EFCAB11: variants seen among roughly 807,000 people sequenced by gnomAD.
EFCAB11 encodes EF-hand calcium binding domain 11, also known as EF-hand calcium-binding domain-containing protein 11.
A neutral mutation model predicts 23.0 loss-of-function variants in EFCAB11; 14 were observed. The ratio of observed to expected loss-of-function variants is 0.61; its 90% CI spans 0.40 to 0.95. The LOEUF (loss-of-function observed/expected upper bound fraction) is 0.95, where lower values mean the gene tolerates loss of function less well. Among genes scored for constraint, EFCAB11 ranks in the 40% least tolerant of loss-of-function variants. The pLI, the probability that EFCAB11 is intolerant of heterozygous loss-of-function variation, is 0.00. For missense variants in EFCAB11, 198 were observed against 195.8 expected (o/e 1.01, Z -0.07); for synonymous variants, 65 against 66.6 (o/e 0.98, Z 0.11).
At chr14:89,819,975 GACTCAGTAA>G in intron 5 of EFCAB11, among the ~76,000 whole-genome samples, 1 of 152,208 alleles carries the variant, frequency 6.6e-6, no homozygotes, top group East Asian at 1.9e-4. Flanking sequence ...ATAGGAATAT[GACTCAGTAA>G]ACTATGGCTC....
At chr14:89,934,248 G>T (rs888117290) in intron 3 of EFCAB11, among the ~76,000 whole-genome samples, 1 of 152,234 alleles carries the variant, frequency 6.6e-6, no homozygotes, top group Non-Finnish European at 1.5e-5. Context: ...AGAGAGACCA[G>T]TTAGGAGCCT....
intron 5 of EFCAB11, among the ~76,000 whole-genome samples, chr14:89,843,748 T>G (rs1400764225): frequency 6.6e-6 from 1 of 152,244 alleles, no homozygotes; most frequent in Non-Finnish European, 1.5e-5. Flanking sequence ...CATCTTACAC[T>G]GGTCATCAAA....
At position 89,953,978 on chromosome 14, in the gene EFCAB11, A is replaced by G; in HGVS notation, c.99T>C (p.Asp33=). ...CCTCTCTGCTGAGATATCCTTTGTG[A>G]TCTTCATCACATGCTTTAAATACCT... ...WVEVFKACDE[D]HKGYLSREDF... Residue 33 remains aspartate (D), a synonymous_variant, in exon 2 of 6, where the codon GAT becomes GAC. Transcript: ENST00000316738. The G allele has an allele frequency of 6.2e-7, 1 of 1,613,568 alleles. No homozygotes were observed. The highest frequency in any genetic ancestry group is 8.5e-7 in the Non-Finnish European group (1 of 1,179,936).
At chr14:89,836,587 G>T (rs1336278095) in intron 5 of EFCAB11, 1 of 456,588 alleles carries the variant, frequency 2.2e-6, no homozygotes, top group Non-Finnish European at 4.4e-6. Flanking sequence ...TGCCATAGAT[G>T]TTCCACATGA....
chr14:89,802,619 C>T (rs1885824477), intron 5 of EFCAB11, among the ~76,000 whole-genome samples: 1 of 152,148 alleles, frequency 6.6e-6, no homozygotes, highest in African/African-American at 2.4e-5. Context: ...TCTCAAACTC[C>T]TCACCTCAAA....
At chr14:89,817,632 A>G (rs964950771) in intron 5 of EFCAB11, among the ~76,000 whole-genome samples, 12 of 152,212 alleles carry the variant, frequency 7.9e-5, no homozygotes, top group Non-Finnish European at 7.3e-5. Flanking sequence ...GACGAAAATA[A>G]TAATATATTT....
intron 5 of EFCAB11, among the ~76,000 whole-genome samples, chr14:89,836,019 A>C (rs1267575422): frequency 6.6e-6 from 1 of 152,194 alleles, no homozygotes; most frequent in Non-Finnish European, 1.5e-5. Context: ...AGATTTTGCT[A>C]GGCAGGAGTG....
chr14:89,931,464 C>A (rs1308799977), intron 5 of EFCAB11, 77 bp downstream of exon 5: 7 of 1,294,716 alleles, frequency 5.4e-6, no homozygotes, highest in African/African-American at 1.5e-5. Context: ...TAAATAAGTT[C>A]TTTCCATAAA....
intron 5 of EFCAB11, among the ~76,000 whole-genome samples, chr14:89,917,621 G>A (rs1382254103): frequency 2.0e-5 from 3 of 152,030 alleles, no homozygotes; most frequent in African/African-American, 7.3e-5. Context: ...ACTAGGCAGT[G>A]GCATTTCTAA....
At chr14:89,849,987 C>T (rs969133986) in intron 5 of EFCAB11, among the ~76,000 whole-genome samples, 13 of 152,102 alleles carry the variant, frequency 8.5e-5, no homozygotes, top group African/African-American at 2.9e-4. Context: ...GGAAAGCAAT[C>T]CAATCTCTTG....
intron 5 of EFCAB11, among the ~76,000 whole-genome samples, chr14:89,900,820 G>T (rs1056611812): frequency 6.6e-6 from 1 of 152,136 alleles, no homozygotes; most frequent in Non-Finnish European, 1.5e-5. Flanking sequence ...GTAAATTATT[G>T]CTTTTTTTCT....
intron 5 of EFCAB11, among the ~76,000 whole-genome samples, chr14:89,858,600 C>T (rs1887824103): frequency 1.3e-5 from 2 of 152,028 alleles, no homozygotes; most frequent in African/African-American, 2.4e-5. Context: ...GGTAATCCTC[C>T]CACCTCAGCC....
intron 5 of EFCAB11, chr14:89,836,981 G>A (rs1305279020): frequency 2.9e-5 from 13 of 453,826 alleles, no homozygotes; most frequent in Non-Finnish European, 5.7e-5. Context: ...AAGACTGTGC[G>A]ACTGTACTCC....
At chr14:89,800,266 G>A (rs1386290407) in intron 5 of EFCAB11, among the ~76,000 whole-genome samples, 4 of 152,076 alleles carry the variant, frequency 2.6e-5, no homozygotes, top group Non-Finnish European at 4.4e-5. Context: ...TCAGGGACCC[G>A]TAAGTAAGTC....
intron 5 of EFCAB11, among the ~76,000 whole-genome samples, chr14:89,847,356 A>C (rs1165109339): frequency 6.6e-6 from 1 of 152,064 alleles, no homozygotes; most frequent in African/African-American, 2.4e-5. Context: ...TTCAAACCTA[A>C]GACTTGAACC....
chr14:89,893,030 C>T (rs1427650894), intron 5 of EFCAB11, among the ~76,000 whole-genome samples: 1 of 152,162 alleles, frequency 6.6e-6, no homozygotes, highest in African/African-American at 2.4e-5. Context: ...GAGGTGGTGA[C>T]CACGAATGAG....
chr14:89,924,506 T>C (rs975587141), intron 5 of EFCAB11: 1 of 1,429,398 alleles, frequency 7.0e-7, no homozygotes, highest in Non-Finnish European at 9.1e-7. Context: ...CAAATAGCAG[T>C]GCTTACAATG....
intron 5 of EFCAB11, among the ~76,000 whole-genome samples, chr14:89,869,811 G>C (rs1199119253): frequency 1.3e-5 from 2 of 152,176 alleles, no homozygotes; most frequent in Non-Finnish European, 2.9e-5. Context: ...AAAGAATCTA[G>C]TGTCCTAACT....
chr14:89,933,559 A>T (rs1886212646), intron 3 of EFCAB11, among the ~76,000 whole-genome samples: 2 of 152,232 alleles, frequency 1.3e-5, no homozygotes, highest in African/African-American at 4.8e-5. Flanking sequence ...TTAATTTCCT[A>T]CATCTTTATT....
Sources: gnomAD v4.1 joint callset for allele counts (sites outside exome capture counted in the v4.1 genomes callset) on GRCh38, gnomAD v4.1.1 for gene constraint, MANE v1.5 for transcripts, NCBI Gene and HGNC (gene_info 2026-07-23, HGNC 2026-07-21) for gene names.